The following ABCA13 variants were observed in gnomAD, a reference collection of about 807,000 sequenced individuals.
ABCA13 encodes ATP-binding cassette sub-family A member 13.
ABCA13 carries 476 observed loss-of-function variants against 478.7 expected under a neutral mutation model. That is an observed-to-expected ratio of 0.99 (90% CI 0.92 to 1.07). The LOEUF (loss-of-function observed/expected upper bound fraction) is 1.07, where lower values mean the gene tolerates loss of function less well. Ranked by LOEUF, ABCA13 falls within the 50% of genes least tolerant of loss-of-function variation. The probability of loss-of-function intolerance (pLI) is 0.00; values close to 1 mark genes in which losing one functional copy is unlikely to be tolerated. For missense variants in ABCA13, 6,060 were observed against 5,910.6 expected, an observed-to-expected ratio of 1.03 and a Z score of -0.83; for synonymous variants, 2,252 against 2,158.9, an observed-to-expected ratio of 1.04 and a Z score of -1.20.
chr7:48,196,581 G>A (rs1439259215), intron 2 of ABCA13, among the ~76,000 whole-genome samples: 2 of 152,256 alleles, frequency 1.3e-5, no homozygotes, highest in African/African-American at 4.8e-5. Context: ...GCCTGGCATG[G>A]CAATGACTAA....
chr7:48,438,884 G>GTTTTTTTTTT (rs59630845), intron 42 of ABCA13, among the ~76,000 whole-genome samples: 20 of 139,408 alleles, frequency 1.4e-4, no homozygotes, highest in South Asian at 6.8e-4. Context: ...TTTTGCTAAG[G>GTTTTTTTTTT]TTTTTTTTTT....
intron 59 of ABCA13, among the ~76,000 whole-genome samples, chr7:48,637,824 A>G (rs1430473525): frequency 1.3e-5 from 2 of 152,174 alleles, no homozygotes; most frequent in Non-Finnish European, 2.9e-5. Context: ...TTAAGAAGGA[A>G]ATATTGTTTT....
At chr7:48,555,537 C>A (rs1158267730) in intron 55 of ABCA13, among the ~76,000 whole-genome samples, 1 of 151,838 alleles carries the variant, frequency 6.6e-6, no homozygotes, top group African/African-American at 2.4e-5. Context: ...TTTTGAATTT[C>A]TTCATGGTTC....
intron 59 of ABCA13, among the ~76,000 whole-genome samples, chr7:48,627,461 G>T (rs1019000230): frequency 3.9e-5 from 6 of 152,044 alleles, no homozygotes; most frequent in Non-Finnish European, 8.8e-5. Context: ...ACTCTGCTTT[G>T]AAAGCCTGGT....
At chr7:48,316,078 T>C (rs558861544) in intron 26 of ABCA13, among the ~76,000 whole-genome samples, 2 of 152,336 alleles carry the variant, frequency 1.3e-5, no homozygotes, top group African/African-American at 4.8e-5. Flanking sequence ...TAGTTCCTAC[T>C]CATTATGGTG....
intron 50 of ABCA13, among the ~76,000 whole-genome samples, chr7:48,509,907 G>A (rs1831527788): frequency 6.6e-6 from 1 of 152,208 alleles, no homozygotes; most frequent in Non-Finnish European, 1.5e-5. Flanking sequence ...AGGACACAGT[G>A]AGAAGTCACA....
chr7:48,410,381 G>A (rs983143070), intron 39 of ABCA13, 139 bp from the exon 40 acceptor site: 7 of 1,023,434 alleles, frequency 6.8e-6, no homozygotes, highest in African/African-American at 1.6e-5. Context: ...TGGCCAGGAC[G>A]CATTTCAATT....
Position 48,594,726 on chromosome 7 carries a change from G to A in ABCA13, c.14657G>A (p.Gly4886Glu). Reference sequence around the variant, plus strand: ...TTCCTTCAGGATGAGCCCAGCTCTGGGATGGATCCCTGCTCTAAGCGGTAC... The same window carrying A: ...TTCCTTCAGGATGAGCCCAGCTCTGAGATGGATCCCTGCTCTAAGCGGTAC... ...DILLLDEPSS[G>E]MDPCSKRYLW... Residue 4886 changes from glycine (G) to glutamate (E), a missense_variant, in exon 58 of 62, where the codon GGG becomes GAG. Around this residue, in one of 3 missense-constraint regions of ABCA13, gnomAD observed 1,627 missense variants for 1,571.0 expected, o/e 1.04. Transcript: ENST00000435803. 1 of 1,613,870 alleles carries A rather than the reference G, an allele frequency of 6.2e-7. No homozygotes were observed. Among genetic ancestry groups the A allele is most frequent in the Non-Finnish European group, 8.5e-7 (1 of 1,179,806 alleles).
chr7:48,374,607 G>C lies in ABCA13; in HGVS notation c.11203+191G>C, dbSNP rs142230732. Among the ~76,000 whole-genome samples the C allele has an allele frequency of 1.2e-4, 18 of 152,342 alleles. 2 individuals are homozygous for C. Among genetic ancestry groups the C allele is most frequent in the African/African-American group, 4.3e-4 (18 of 41,582 alleles). ...TAGCACCAGTTTTGAGAACAATCAA[G>C]AATAATCATGGCATCCCTTGCTTCA... On this transcript the variant is annotated intron_variant, in intron 34 of 61. Transcript: ENST00000435803.
chr7:48,241,455 A>G (rs1584393083), intron 10 of ABCA13, among the ~76,000 whole-genome samples: 2 of 152,334 alleles, frequency 1.3e-5, no homozygotes, highest in South Asian at 4.1e-4. Flanking sequence ...ATATGTTTTT[A>G]TATTTACTTA....
chr7:48,365,118 A>G lies in ABCA13; in HGVS notation c.10689-2676A>G, dbSNP rs539872116. On this transcript the variant is annotated intron_variant, in intron 31 of 61. Transcript: ENST00000435803. ...TAGTAGCTATTTCAATTGGGGTAAG[A>G]TGATATCTCACTGTGGGTTTGATTT... Among the ~76,000 whole-genome samples the G allele has an allele frequency of 1.5e-3, 223 of 152,242 alleles. 1 individual carries two copies. The highest frequency in any genetic ancestry group is 5.0e-3 in the African/African-American group (209 of 41,564).
rs193141335 is a variant in ABCA13 at position 48,588,006 on chromosome 7, G to A, written c.14640+718G>A. ...TGCATCTTTGGACTTCACACCAGTA[G>A]AGAGTCTGAGGGGTGTCAAAAAGTG... On this transcript the variant is annotated intron_variant, in intron 57 of 61. Transcript: ENST00000435803. Among the ~76,000 whole-genome samples, 37 of 152,310 alleles carry A rather than the reference G, an allele frequency of 2.4e-4. 1 individual carries two copies. Among genetic ancestry groups the A allele is most frequent in the African/African-American group, 8.9e-4 (37 of 41,562 alleles).
At position 48,274,748 on chromosome 7, in the gene ABCA13, G is replaced by A; in HGVS notation, c.5082G>A (p.Lys1694=). 6.2e-7 allele frequency: 1 copy of A among 1,613,950 alleles called. No homozygotes were observed. The highest frequency in any genetic ancestry group is 8.5e-7 in the Non-Finnish European group (1 of 1,179,842). Residue 1694 remains lysine, a synonymous_variant, in exon 17 of 62, where the codon AAG becomes AAA. Coordinates refer to ENST00000435803, the MANE Select transcript of ABCA13 (RefSeq NM_152701.5). ...QVSVNLMDFF[K]NISSVGTGNL... is the part of the protein sequence containing the mutation. ...GTGTAAACCTAATGGATTTCTTTAAGAATATCAGTAGTGTGGGAACTGGCA... is the reference window on the plus strand; with the variant it reads ...GTGTAAACCTAATGGATTTCTTTAAAAATATCAGTAGTGTGGGAACTGGCA...
chr7:48,182,507 A>G (rs1170191334), intron 1 of ABCA13, among the ~76,000 whole-genome samples: 1 of 152,208 alleles, frequency 6.6e-6, no homozygotes, highest in African/African-American at 2.4e-5. Context: ...TCCTTGGAGT[A>G]CTTGAGTGGA....
chr7:48,579,933 G>A (rs956641098), intron 55 of ABCA13, among the ~76,000 whole-genome samples: 1 of 152,160 alleles, frequency 6.6e-6, no homozygotes, highest in South Asian at 2.1e-4. Flanking sequence ...CTTTTCAAAA[G>A]AAGACATTTA....
At chr7:48,614,605 G>A (rs1402168297) in intron 58 of ABCA13, among the ~76,000 whole-genome samples, 5 of 150,728 alleles carry the variant, frequency 3.3e-5, no homozygotes, top group Admixed American at 2.0e-4. Flanking sequence ...TTGTGGCACT[G>A]TTCACAATAG....
intron 55 of ABCA13, among the ~76,000 whole-genome samples, chr7:48,557,548 C>T: frequency 6.6e-6 from 1 of 152,118 alleles, no homozygotes; most frequent in East Asian, 1.9e-4. Flanking sequence ...AAGGTTTCCA[C>T]TGAAAGTCTG....
chr7:48,311,508 C>CTT (rs1801772836), intron 24 of ABCA13, among the ~76,000 whole-genome samples: 1 of 152,308 alleles, frequency 6.6e-6, no homozygotes, highest in African/African-American at 2.4e-5. Flanking sequence ...CACGATGCTA[C>CTT]TTTAGTGGCC....
rs367643456 is a variant in ABCA13 at position 48,315,779 on chromosome 7, A to G, written c.9859+1370A>G. 6.2e-4 allele frequency among the ~76,000 whole-genome samples: 94 copies of G among 152,196 alleles called. 3 individuals carry two copies. The highest frequency in any genetic ancestry group is 2.2e-3 in the African/African-American group (90 of 41,538). ...AGGCGTGAGCCACTGTGCCTGGCCTATGTAGTCATATTCTTCATTTATACT... is the reference window on the plus strand; with the variant it reads ...AGGCGTGAGCCACTGTGCCTGGCCTGTGTAGTCATATTCTTCATTTATACT... On this transcript the variant is annotated intron_variant, in intron 26 of 61. Coordinates refer to ENST00000435803, the MANE Select transcript of ABCA13 (RefSeq NM_152701.5).
Sources: allele counts gnomAD v4.1 joint callset (sites outside exome capture counted in the v4.1 genomes callset), GRCh38; gene constraint gnomAD v4.1.1; regional missense constraint gnomAD v4.1.1; transcripts MANE v1.5; gene names NCBI Gene and HGNC (gene_info 2026-07-23, HGNC 2026-07-21).